Variants in TNIK observed in about 807,000 individuals in gnomAD.
The protein encoded by TNIK is TRAF2 and NCK interacting kinase.
TNIK carries 49 observed loss-of-function variants against 191.3 expected under a neutral mutation model. That is an observed-to-expected ratio of 0.26 (90% CI 0.20 to 0.32). The LOEUF (loss-of-function observed/expected upper bound fraction) is 0.32, where lower values mean the gene tolerates loss of function less well. Ranked by LOEUF, TNIK falls within the 10% of genes least tolerant of loss-of-function variation. The probability of loss-of-function intolerance (pLI) is 1.00; values close to 1 mark genes in which losing one functional copy is unlikely to be tolerated. For synonymous variants in TNIK, 594 were observed against 600.9 expected (o/e 0.99, Z 0.17); for missense variants, 1,155 against 1,702.3 (o/e 0.68, Z 5.66).
intron 3 of TNIK, among the ~76,000 whole-genome samples, 160 bp from the exon 4 acceptor site, chr3:171,211,401 T>C (rs2292004): frequency 0.31 from 46,891 of 151,990 alleles, 7,787 homozygotes; most frequent in East Asian, 0.59. Flanking sequence ...TAAAACATAA[T>C]ACATTGGCTG....
intron 1 of TNIK, among the ~76,000 whole-genome samples, chr3:171,432,582 C>T (rs1000091897): frequency 6.6e-6 from 1 of 152,156 alleles, no homozygotes; most frequent in African/African-American, 2.4e-5. Context: ...CAAATTAGCC[C>T]TAAGCCTCTC....
Position 171,228,165 on chromosome 3 carries a change from C to A in TNIK, c.180G>T (p.Gly60=), listed in dbSNP as rs760553419. The A allele has an allele frequency of 1.2e-6, 2 of 1,613,482 alleles. No individual in the cohort carries two copies. The highest frequency in any genetic ancestry group is 1.3e-5 in the African/African-American group (1 of 74,974). ...LAAIKVMDVT[G]DEEEEIKQEI... ...GAGATGGCAAAATAAAGACACTTAC[C>A]CCTGTGACATCCATAACCTTGATGG... Residue 60 remains glycine, a splice_region_variant and synonymous_variant, in exon 3 of 33, where the codon GGG becomes GGT. Coordinates refer to ENST00000436636, the MANE Select transcript of TNIK (RefSeq NM_015028.4).
At chr3:171,086,916 A>G (rs775631300) in intron 24 of TNIK, among the ~76,000 whole-genome samples, 3 of 152,236 alleles carry the variant, frequency 2.0e-5, no homozygotes, top group Non-Finnish European at 2.9e-5. Flanking sequence ...TTTTTCATAA[A>G]CAAATCATTT....
At chr3:171,120,922 C>T (rs548571734) in intron 18 of TNIK, among the ~76,000 whole-genome samples, 56 of 152,316 alleles carry the variant, frequency 3.7e-4, no homozygotes, top group African/African-American at 1.2e-3. Flanking sequence ...GACCCCTGCG[C>T]CCTGGAGTCA....
At chr3:171,146,786 A>T (rs1047472780) in intron 12 of TNIK, among the ~76,000 whole-genome samples, 25 of 151,036 alleles carry the variant, frequency 1.7e-4, no homozygotes, top group African/African-American at 6.1e-4. Context: ...GCTACTCAGG[A>T]GGCTGAGGCA....
chr3:171,259,736 G>A (rs1265931084), intron 2 of TNIK, among the ~76,000 whole-genome samples: 2 of 152,112 alleles, frequency 1.3e-5, no homozygotes, highest in African/African-American at 4.8e-5. Context: ...AATAAGCCAG[G>A]CACCCTTTAT....
intron 1 of TNIK, among the ~76,000 whole-genome samples, chr3:171,372,150 T>C (rs1237507656): frequency 6.6e-6 from 1 of 152,136 alleles, no homozygotes; most frequent in African/African-American, 2.4e-5. Context: ...ACAGCTGACT[T>C]GTGAGGCTCT....
chr3:171,131,257 G>A (rs1729217588), intron 15 of TNIK, among the ~76,000 whole-genome samples: 1 of 140,474 alleles, frequency 7.1e-6, no homozygotes. Flanking sequence ...AGAATGGCGT[G>A]AACCCGGGAG....
At chr3:171,281,761 C>T (rs1203212478) in intron 2 of TNIK, among the ~76,000 whole-genome samples, 3 of 152,180 alleles carry the variant, frequency 2.0e-5, no homozygotes, top group African/African-American at 7.2e-5. Context: ...ATAGTGTTTG[C>T]TACCCTTGTA....
intron 2 of TNIK, among the ~76,000 whole-genome samples, chr3:171,360,231 A>T (rs1024486145): frequency 6.6e-6 from 1 of 152,210 alleles, no homozygotes; most frequent in Non-Finnish European, 1.5e-5. Context: ...TTAATGAGAG[A>T]ATGGTATAAA....
intron 18 of TNIK, among the ~76,000 whole-genome samples, chr3:171,118,609 G>C (rs556936751): frequency 1.4e-3 from 208 of 152,250 alleles, no homozygotes; most frequent in African/African-American, 4.9e-3. Context: ...CAATGGAACA[G>C]AACAGAGCCC....
chr3:171,296,099 C>T (rs1752261432), intron 2 of TNIK, among the ~76,000 whole-genome samples: 1 of 152,136 alleles, frequency 6.6e-6, no homozygotes, highest in South Asian at 2.1e-4. Context: ...TCCCAAAATG[C>T]TATAATTAAA....
intron 1 of TNIK, among the ~76,000 whole-genome samples, chr3:171,381,229 TC>T (rs1717988006): frequency 6.6e-6 from 1 of 152,198 alleles, no homozygotes; most frequent in African/African-American, 2.4e-5. Flanking sequence ...CTAAAGCCAG[TC>T]CTTTTGTCCC....
intron 4 of TNIK, among the ~76,000 whole-genome samples, chr3:171,205,094 T>A (rs1465490264): frequency 6.6e-6 from 1 of 152,222 alleles, no homozygotes; most frequent in Non-Finnish European, 1.5e-5. Flanking sequence ...TTGTTCTTAT[T>A]AACAGAGAAT....
At chr3:171,263,681 T>C (rs1365734943) in intron 2 of TNIK, among the ~76,000 whole-genome samples, 2 of 151,992 alleles carry the variant, frequency 1.3e-5, no homozygotes, top group Non-Finnish European at 1.5e-5. Flanking sequence ...GTGAAGGTCA[T>C]AGAAAAGTAA....
intron 21 of TNIK, among the ~76,000 whole-genome samples, chr3:171,104,956 C>CCAACAGAGAAAACCCATTTATTTT (rs1405187361): frequency 1.3e-5 from 2 of 152,028 alleles, no homozygotes; most frequent in African/African-American, 4.8e-5. Context: ...TTTAATTGTG[C>CCAACAGAGAAAACCCATTTATTTT]CAACAGAGAA....
intron 1 of TNIK, among the ~76,000 whole-genome samples, chr3:171,389,774 G>A (rs1469176646): frequency 6.6e-6 from 1 of 152,098 alleles, no homozygotes; most frequent in Admixed American, 6.6e-5. Context: ...GATTGATCAG[G>A]GTTTCCAATG....
intron 9 of TNIK, among the ~76,000 whole-genome samples, chr3:171,169,384 C>T (rs1019743613): frequency 6.6e-6 from 1 of 152,078 alleles, no homozygotes; most frequent in African/African-American, 2.4e-5. Flanking sequence ...TCTCCTGCCT[C>T]AGCCTCCTGA....
chr3:171,429,322 C>A (rs529685792), intron 1 of TNIK, among the ~76,000 whole-genome samples: 2 of 152,266 alleles, frequency 1.3e-5, no homozygotes, highest in Non-Finnish European at 2.9e-5. Context: ...ACAATGCCAC[C>A]AGCTTAATTT....
Sources: allele counts gnomAD v4.1 joint callset (sites outside exome capture counted in the v4.1 genomes callset), GRCh38; gene constraint gnomAD v4.1.1; transcripts MANE v1.5; gene names NCBI Gene and HGNC (gene_info 2026-07-23, HGNC 2026-07-21).